The following KCNJ6 variants were observed in gnomAD, a reference collection of about 807,000 sequenced individuals.
KCNJ6 encodes potassium inwardly rectifying channel subfamily J member 6.
Under a neutral mutation model 34.2 loss-of-function variants are expected in KCNJ6, and 9 were observed. The ratio of observed to expected loss-of-function variants is 0.26; its 90% confidence interval spans 0.16 to 0.46. KCNJ6 has a LOEUF of 0.46. Ranked by LOEUF, KCNJ6 falls within the 20% of genes least tolerant of loss-of-function variation. KCNJ6 has a pLI of 1.00. For missense variants in KCNJ6, 236 were observed against 531.3 expected, an observed-to-expected ratio of 0.44 and a Z score of 5.46; for synonymous variants, 196 against 207.1, an observed-to-expected ratio of 0.95 and a Z score of 0.46.
intron 1 of KCNJ6, among the ~76,000 whole-genome samples, chr21:37,900,251 G>C (rs542561578): frequency 6.6e-6 from 1 of 152,256 alleles, no homozygotes; most frequent in Admixed American, 6.5e-5. Flanking sequence ...TGCTTATACA[G>C]CACTGTTTAC....
rs60702932 is a variant in KCNJ6 at position 37,646,678 on chromosome 21, A to ATTT, written c.947-21197_947-21195dup. On this transcript the variant is annotated intron_variant, in intron 3 of 3. Transcript: ENST00000609713. ...TCAGTTAGTTTTTTAAATTATTTTT[A>ATTT]TTTTTTTTTTTGAGACGGAGTTGGC... 1.8e-3 allele frequency among the ~76,000 whole-genome samples: 191 copies of ATTT among 108,320 alleles called. 1 individual carries two copies. Among genetic ancestry groups the ATTT allele is most frequent in the African/African-American group, 4.6e-3 (147 of 32,162 alleles). 71.1% of individuals were successfully genotyped at this position (108,320 alleles called of 152,430 possible). A position where few individuals can be genotyped will look rare whatever the true frequency, so the allele number is the denominator to read the frequency against.
At chr21:37,755,843 A>AG (rs1403979485) in intron 2 of KCNJ6, among the ~76,000 whole-genome samples, 1 of 152,246 alleles carries the variant, frequency 6.6e-6, no homozygotes, top group African/African-American at 2.4e-5. Context: ...CCTTTCCCCA[A>AG]GCACATCTCA....
intron 3 of KCNJ6, among the ~76,000 whole-genome samples, chr21:37,693,591 AAG>A (rs2054650297): frequency 6.6e-6 from 1 of 152,118 alleles, no homozygotes; most frequent in African/African-American, 2.4e-5. Context: ...AGTGGGCAGG[AAG>A]AGAGGTGGGA....
At chr21:37,720,462 A>C (rs1456614521) in intron 2 of KCNJ6, among the ~76,000 whole-genome samples, 2 of 139,354 alleles carry the variant, frequency 1.4e-5, no homozygotes, top group African/African-American at 5.2e-5. Flanking sequence ...CTATAGGACA[A>C]GTCGAGTCAG....
At chr21:37,648,332 C>T (rs1266317249) in intron 3 of KCNJ6, among the ~76,000 whole-genome samples, 1 of 152,138 alleles carries the variant, frequency 6.6e-6, no homozygotes, top group Non-Finnish European at 1.5e-5. Flanking sequence ...TCATGAATGG[C>T]ACCTGCTGGC....
chr21:37,822,235 C>G (rs904431539), intron 2 of KCNJ6, among the ~76,000 whole-genome samples: 1 of 152,144 alleles, frequency 6.6e-6, no homozygotes, highest in African/African-American at 2.4e-5. Context: ...TTGCAGACAC[C>G]ATTTCACAAT....
At chr21:37,654,485 C>T (rs148234459) in intron 3 of KCNJ6, among the ~76,000 whole-genome samples, 15 of 152,152 alleles carry the variant, frequency 9.9e-5, no homozygotes, top group African/African-American at 3.6e-4. Context: ...TTTACTCTCA[C>T]AGCCCCAAAT....
chr21:37,631,163 A>C (rs2123367307), intron 3 of KCNJ6, among the ~76,000 whole-genome samples: 1 of 152,334 alleles, frequency 6.6e-6, no homozygotes, highest in African/African-American at 2.4e-5. Context: ...CAGTGCTTCA[A>C]CATTGGAGGT....
intron 2 of KCNJ6, among the ~76,000 whole-genome samples, chr21:37,723,711 C>T (rs1335087551): frequency 6.6e-6 from 1 of 152,092 alleles, no homozygotes; most frequent in Non-Finnish European, 1.5e-5. Context: ...GAGCTAAACA[C>T]TGAGGATTAA....
intron 2 of KCNJ6, among the ~76,000 whole-genome samples, chr21:37,781,457 G>C (rs1327266163): frequency 6.6e-6 from 1 of 152,078 alleles, no homozygotes; most frequent in African/African-American, 2.4e-5. Flanking sequence ...CTTAGAAACA[G>C]GATTTATCAC....
intron 1 of KCNJ6, among the ~76,000 whole-genome samples, chr21:37,912,297 A>G (rs1339752932): frequency 6.6e-6 from 1 of 152,210 alleles, no homozygotes; most frequent in Non-Finnish European, 1.5e-5. Context: ...CACTTTGTTA[A>G]TCAATTAGCC....
intron 3 of KCNJ6, among the ~76,000 whole-genome samples, chr21:37,660,041 G>A (rs2054481008): frequency 2.0e-5 from 3 of 152,258 alleles, no homozygotes; most frequent in Non-Finnish European, 4.4e-5. Context: ...CAGGAATGCT[G>A]GAGGGAGGCT....
At chr21:37,781,869 A>ATACC (rs969095488) in intron 2 of KCNJ6, among the ~76,000 whole-genome samples, 5 of 152,102 alleles carry the variant, frequency 3.3e-5, no homozygotes, top group African/African-American at 9.7e-5. Context: ...TCACCTGGAA[A>ATACC]TACCTACCTA....
chr21:37,674,162 C>T (rs1043351172), intron 3 of KCNJ6, among the ~76,000 whole-genome samples: 1 of 152,186 alleles, frequency 6.6e-6, no homozygotes, highest in Non-Finnish European at 1.5e-5. Context: ...CCCAACCTGT[C>T]CCCAATGTCA....
chr21:37,810,464 C>T (rs942763673), intron 2 of KCNJ6, among the ~76,000 whole-genome samples: 2 of 152,090 alleles, frequency 1.3e-5, no homozygotes, highest in African/African-American at 4.8e-5. Context: ...AAGCTGCTCT[C>T]CAAAAAGATG....
Position 37,675,348 on chromosome 21 carries a change from G to A in KCNJ6, c.946+38863C>T, listed in dbSNP as rs1457778630. Among the ~76,000 whole-genome samples, 1 of 152,260 alleles carries A rather than the reference G, an allele frequency of 6.6e-6. No homozygotes were observed. Among genetic ancestry groups the A allele is most frequent in the East Asian group, 1.9e-4 (1 of 5,192 alleles). On this transcript the variant is annotated intron_variant, in intron 3 of 3. Transcript: ENST00000609713. This position sits in a 1 kb window ranked among gnomAD's most constrained non-coding sequence, Gnocchi z 4.2. ...GGCGGGGATTTTTCCGCGAGTGGCTGCATTGGCTTTAAGAAACTGCGCCGG... is the reference window on the plus strand; with the variant it reads ...GGCGGGGATTTTTCCGCGAGTGGCTACATTGGCTTTAAGAAACTGCGCCGG...
At position 37,616,641 on chromosome 21, in the gene KCNJ6, C is replaced by T. The variant is rs552261579; in HGVS notation, c.*8518G>A. 5.6e-5 allele frequency: 6 copies of T among 108,048 alleles called. No homozygotes were observed. The highest frequency in any genetic ancestry group is 1.4e-4 in the African/African-American group (4 of 27,764). The allele number at this position is 108,048 out of a possible 1,614,324, so 6.7% of individuals were successfully genotyped here. ...TGGTTAGACTCTGAACATATACGCT[C>T]GGTTAAAATTGGTGGTGGCTATTAA... On this transcript the variant is annotated 3_prime_UTR_variant, in exon 4 of 4. Coordinates refer to ENST00000609713, the MANE Select transcript of KCNJ6 (RefSeq NM_002240.5).
In KCNJ6 at chr21:37,622,548, A is replaced by G. The variant is rs866521828; in HGVS notation, c.*2611T>C. 19 of 152,344 alleles carry G rather than the reference A, an allele frequency of 1.2e-4. No homozygotes were observed. The highest frequency in any genetic ancestry group is 3.3e-4 in the Admixed American group (5 of 15,308). 9.4% of individuals were successfully genotyped at this position (152,344 alleles called of 1,614,324 possible). On this transcript the variant is annotated 3_prime_UTR_variant, in exon 4 of 4. Coordinates refer to ENST00000609713, the MANE Select transcript of KCNJ6 (RefSeq NM_002240.5). ...TAAAAGGTTCTTCAGGAGCATCCCC[A>G]TGTAAAGATTCAGAGGCTCACATTA...
chr21:37,734,413 C>T (rs1051501277), intron 2 of KCNJ6, among the ~76,000 whole-genome samples: 3 of 152,118 alleles, frequency 2.0e-5, no homozygotes, highest in Non-Finnish European at 4.4e-5. Flanking sequence ...GCGGAGAGAG[C>T]ACCAGCGAGG....
Sources: allele counts gnomAD v4.1 joint callset (sites outside exome capture counted in the v4.1 genomes callset), GRCh38; gene constraint gnomAD v4.1.1; non-coding constraint Gnocchi (gnomAD v3.1); transcripts MANE v1.5; gene names NCBI Gene and HGNC (gene_info 2026-07-23, HGNC 2026-07-21).